Variants in ICA1L observed in about 807,000 individuals in gnomAD.
The protein encoded by ICA1L is islet cell autoantigen 1 like.
ICA1L carries 50 observed loss-of-function variants against 61.3 expected under a neutral mutation model. The observed-to-expected ratio is 0.82, with a 90% CI of 0.65 to 1.03. The LOEUF is 1.03. Ranked by LOEUF, ICA1L falls within the 50% of genes least tolerant of loss-of-function variation. The pLI is 0.00. For missense variants in ICA1L, 508 were observed against 556.7 expected, an observed-to-expected ratio of 0.91 and a Z score of 0.88; for synonymous variants, 161 against 191.3, an observed-to-expected ratio of 0.84 and a Z score of 1.31.
chr2:202,829,717 ATTAAT>A (rs1359426200), intron 1 of ICA1L, among the ~76,000 whole-genome samples: 1 of 152,256 alleles, frequency 6.6e-6, no homozygotes, highest in Admixed American at 6.5e-5. Flanking sequence ...TTATATTTAT[ATTAAT>A]TTTAGTTAGA....
chr2:202,837,625 CTATT>C (rs2105868352), intron 1 of ICA1L, among the ~76,000 whole-genome samples: 1 of 152,124 alleles, frequency 6.6e-6, no homozygotes, highest in South Asian at 2.1e-4. Context: ...TTTCTAGTCT[CTATT>C]TATTTCTGCT....
At chr2:202,856,609 T>C (rs550270057) in intron 1 of ICA1L, among the ~76,000 whole-genome samples, 2 of 152,226 alleles carry the variant, frequency 1.3e-5, no homozygotes, top group South Asian at 2.1e-4. Context: ...TTATTCAACA[T>C]AGTATTGGAA....
In ICA1L at chr2:202,868,886, T is replaced by C. The variant is rs183157562; in HGVS notation, c.-8+2733A>G. 1.2e-4 allele frequency among the ~76,000 whole-genome samples: 19 copies of C among 152,190 alleles called. No individual in the cohort carries two copies. In the East Asian group the frequency reaches 3.5e-3, roughly 28 times the overall value. On this transcript the variant is annotated intron_variant, in intron 1 of 12. Transcript: ENST00000358299. Reference sequence around the variant, plus strand: ...GGGAGGCTGAGACAGAAGAATCGCTTGAACCCAGGAGGCAGAGGTTGCAGT... The same window carrying C: ...GGGAGGCTGAGACAGAAGAATCGCTCGAACCCAGGAGGCAGAGGTTGCAGT...
intron 10 of ICA1L, among the ~76,000 whole-genome samples, chr2:202,795,781 G>A (rs1005560291): frequency 1.3e-5 from 2 of 152,094 alleles, no homozygotes; most frequent in Admixed American, 6.6e-5. Flanking sequence ...GGTGGCTCAC[G>A]TCTGTAATCC....
rs1165237009 is a variant in ICA1L, at chr2:202,778,342, A to G, written c.*1191T>C. On this transcript the variant is annotated 3_prime_UTR_variant, in exon 13 of 13. Coordinates refer to ENST00000358299, the MANE Select transcript of ICA1L (RefSeq NM_001288622.3). ...GGTAGCTACGTTTTTATCAGCTTAC[A>G]CTAACTTCCATTAAATAGCCTTCCT... 1 of 152,176 alleles carries G rather than the reference A, an allele frequency of 6.6e-6. No individual in the cohort carries two copies. Among genetic ancestry groups the G allele is most frequent in the East Asian group, 1.9e-4 (1 of 5,204 alleles). The allele number at this position is 152,176 out of a possible 1,614,324, so 9.4% of individuals were successfully genotyped here. A position where few individuals can be genotyped will look rare whatever the true frequency, so the allele number is the denominator to read the frequency against.
At position 202,796,940 on chromosome 2, in the gene ICA1L, T is replaced by A; in HGVS notation, c.935A>T (p.His312Leu). Residue 312 changes from histidine to leucine, a missense_variant, in exon 10 of 13, where the codon CAT becomes CTT. Physicochemically the swap from His to Leu is moderately conservative, Grantham distance 99 (BLOSUM62 -3). Coordinates refer to ENST00000358299, the MANE Select transcript of ICA1L (RefSeq NM_001288622.3). ...TGCTCCAAATTCTCTCATTTGAGAA[T>A]GTTTTTCATTGTGATCTTTGTTTGC... ...EQANKDHNEK[H>L]SQMREFGAPQ... 6.3e-7 allele frequency: 1 copy of A among 1,598,934 alleles called. No individual in the cohort carries two copies. The highest frequency in any genetic ancestry group is 8.5e-7 in the Non-Finnish European group (1 of 1,175,064).
chr2:202,801,693 G>A (rs950356269), intron 9 of ICA1L, among the ~76,000 whole-genome samples: 23 of 152,222 alleles, frequency 1.5e-4, no homozygotes, highest in Admixed American at 1.4e-3. Context: ...ACCAGAGCTA[G>A]GAAAGAGAAG....
intron 1 of ICA1L, among the ~76,000 whole-genome samples, chr2:202,834,686 T>G (rs917371237): frequency 1.3e-4 from 20 of 152,258 alleles, no homozygotes; most frequent in South Asian, 2.1e-4. Context: ...AGCAGCTCAA[T>G]TATCAAGGTG....
In ICA1L at chr2:202,778,797, A is replaced by T. The variant is rs1692306600; in HGVS notation, c.*736T>A. ...TACTGTGCATTCTGAGTTTTAGGAGATGGGAAGATAGATTTTTCTGTTTCT... is the reference window on the plus strand; with the variant it reads ...TACTGTGCATTCTGAGTTTTAGGAGTTGGGAAGATAGATTTTTCTGTTTCT... On this transcript the variant is annotated 3_prime_UTR_variant, in exon 13 of 13. Coordinates refer to ENST00000358299, the MANE Select transcript of ICA1L (RefSeq NM_001288622.3). The T allele has an allele frequency of 6.6e-6, 1 of 152,612 alleles. No individual in the cohort carries two copies. The highest frequency in any genetic ancestry group is 1.9e-4 in the East Asian group (1 of 5,202). 9.5% of individuals were successfully genotyped at this position (152,612 alleles called of 1,614,324 possible).
At position 202,849,685 on chromosome 2, in the gene ICA1L, G is replaced by A. The variant is rs1694562301; in HGVS notation, c.-7-20669C>T. Among the ~76,000 whole-genome samples, 1 of 152,214 alleles carries A rather than the reference G, an allele frequency of 6.6e-6. No individual in the cohort carries two copies. The highest frequency in any genetic ancestry group is 2.4e-5 in the African/African-American group (1 of 41,450). ...CCTAGGACAGAGCACCTGGGGGAAG[G>A]GGCAACTGTGGGCACAGCTTCAGCG... is the stretch of plus-strand genomic sequence containing the variant. On this transcript the variant is annotated intron_variant, in intron 1 of 12. Coordinates refer to ENST00000358299, the MANE Select transcript of ICA1L (RefSeq NM_001288622.3). This position sits in a 1 kb window ranked among gnomAD's most constrained non-coding sequence, Gnocchi z 4.5.
chr2:202,861,883 CAA>C (rs71030996), intron 1 of ICA1L, among the ~76,000 whole-genome samples: 1 of 40,918 alleles, frequency 2.4e-5, no homozygotes, highest in Non-Finnish European at 4.1e-5. Flanking sequence ...GATTCAGACT[CAA>C]AAAAAAAAAA....
At chr2:202,788,523 A>C (rs962875762) in intron 11 of ICA1L, among the ~76,000 whole-genome samples, 2 of 152,182 alleles carry the variant, frequency 1.3e-5, no homozygotes, top group African/African-American at 4.8e-5. Context: ...TGGAAGAAAC[A>C]GTATTGACTG....
intron 8 of ICA1L, among the ~76,000 whole-genome samples, chr2:202,812,679 A>T (rs1303501215): frequency 6.6e-6 from 1 of 152,190 alleles, no homozygotes; most frequent in Non-Finnish European, 1.5e-5. Flanking sequence ...ATCTTTAAAG[A>T]TACTTAAAAA....
intron 1 of ICA1L, among the ~76,000 whole-genome samples, chr2:202,838,027 G>C (rs1182114914): frequency 6.6e-6 from 1 of 151,904 alleles, no homozygotes; most frequent in Non-Finnish European, 1.5e-5. Flanking sequence ...CTAATTTTTT[G>C]TATTTTTAGT....
intron 8 of ICA1L, among the ~76,000 whole-genome samples, chr2:202,813,189 G>T (rs1246477988): frequency 4.6e-5 from 7 of 151,958 alleles, no homozygotes; most frequent in Non-Finnish European, 8.8e-5. Context: ...GAACCTGGGA[G>T]GGGGAGGTGG....
rs1171603098 is a variant in ICA1L at position 202,849,260 on chromosome 2, G to A, written c.-7-20244C>T. Among the ~76,000 whole-genome samples, 1 of 152,130 alleles carries A rather than the reference G, an allele frequency of 6.6e-6. No homozygotes were observed. Among genetic ancestry groups the A allele is most frequent in the Non-Finnish European group, 1.5e-5 (1 of 68,008 alleles). On this transcript the variant is annotated intron_variant, in intron 1 of 12. Transcript: ENST00000358299. The surrounding 1 kb of genome is among the most constrained non-coding windows in gnomAD (Gnocchi z 4.5). ...GTTTTTGTTTTTGTACCCCAGTGGT[G>A]CCTGGAACCCCAGCGAGACAAAACC...
intron 7 of ICA1L, 136 bp downstream of exon 7, chr2:202,815,775 C>T: frequency 2.0e-6 from 1 of 495,070 alleles, no homozygotes; most frequent in Non-Finnish European, 3.4e-6. Context: ...AAGTGCTGAC[C>T]CTTGGCTGAA....
chr2:202,841,438 T>G, intron 1 of ICA1L: 1 of 1,188,180 alleles, frequency 8.4e-7, no homozygotes, highest in Non-Finnish European at 1.2e-6. Context: ...CATCTTGTTC[T>G]GCTGCTCCAG....
At chr2:202,825,671 A>C in intron 3 of ICA1L, 24 bp downstream of exon 3, 1 of 1,389,368 alleles carries the variant, frequency 7.2e-7, no homozygotes, top group Admixed American at 2.1e-5. Flanking sequence ...GGGGATTATC[A>C]GATAGATAAC....
Sources: gnomAD v4.1 joint callset for allele counts (sites outside exome capture counted in the v4.1 genomes callset) on GRCh38, gnomAD v4.1.1 for gene constraint, Gnocchi (gnomAD v3.1) non-coding constraint, MANE v1.5 for transcripts, NCBI Gene and HGNC (gene_info 2026-07-23, HGNC 2026-07-21) for gene names.